MED4: variants seen among roughly 807,000 people sequenced by gnomAD.
The protein encoded by MED4 is mediator of RNA polymerase II transcription subunit 4.
In MED4, 21 loss-of-function variants were observed where a neutral mutation model predicts 35.0. That is an observed-to-expected ratio of 0.60 (90% confidence interval 0.43 to 0.86). The LOEUF (loss-of-function observed/expected upper bound fraction) is 0.86. Ranked by LOEUF, MED4 falls within the 40% of genes least tolerant of loss-of-function variation. The probability of loss-of-function intolerance (pLI) is 0.00; values close to 1 mark genes in which losing one functional copy is unlikely to be tolerated. For missense variants in MED4, 300 were observed against 319.4 expected (o/e 0.94, Z 0.46); for synonymous variants, 138 against 114.0 (o/e 1.21, Z -1.34).
chr13:48,081,515 A>G (rs1174763513), intron 5 of MED4, 130 bp downstream of exon 5: 2 of 529,568 alleles, frequency 3.8e-6, no homozygotes, highest in Non-Finnish European at 6.2e-6. Flanking sequence ...ATAAACCATT[A>G]AAGATGTGAA....
In MED4 at chr13:48,079,779, A is replaced by G; in HGVS notation, c.640+65T>C. ...TCTCAAACTTGCTTTACCGCCAGAT[A>G]TTCCAACCTTGTCATCTCTGGAAAA... On this transcript the variant is annotated intron_variant, in intron 6 of 6. Transcript: ENST00000258648. 4 of 1,559,460 alleles carry G rather than the reference A, an allele frequency of 2.6e-6. No homozygotes were observed. In the Admixed American group the frequency reaches 5.7e-5, roughly 22 times the overall value.
rs566931469 is a variant in MED4 at position 48,083,854 on chromosome 13, A to G, written c.364-426T>C. On this transcript the variant is annotated intron_variant, in intron 3 of 6. Transcript: ENST00000258648. The stretch of plus-strand genomic sequence containing the variant: ...TCTTATTCGTTTATATATCAGCTCA[A>G]TGTTTAATGACTTTATCACAAAAAC... 2.0e-5 allele frequency among the ~76,000 whole-genome samples: 3 copies of G among 152,304 alleles called. No homozygotes were observed. In the South Asian group the frequency reaches 6.2e-4, roughly 32 times the overall value.
At chr13:48,079,339 T>G (rs1950786891) in intron 6 of MED4, among the ~76,000 whole-genome samples, 1 of 152,208 alleles carries the variant, frequency 6.6e-6, no homozygotes. Context: ...AGGAAGACAG[T>G]GTAATATTTA....
Position 48,086,440 on chromosome 13 carries a change from A to G in MED4, c.205T>C (p.Leu69=). The change falls in exon 3 of 7, where the codon TTA becomes CTA. Residue 69 remains leucine, a synonymous_variant. Transcript: ENST00000258648. ...AGEENQVLEL[L]IHRDGEFQEL... ...TGAAATTCCCCATCTCGGTGAATTA[A>G]CAACTCCAGGACCTGTCAGATAACA... 6.2e-7 allele frequency: 1 copy of G among 1,613,580 alleles called. No homozygotes were observed. Among genetic ancestry groups the G allele is most frequent in the Non-Finnish European group, 8.5e-7 (1 of 1,179,870 alleles).
At chr13:48,083,087 C>T (rs1950822061) in intron 4 of MED4, among the ~76,000 whole-genome samples, 1 of 152,248 alleles carries the variant, frequency 6.6e-6, no homozygotes, top group African/African-American at 2.4e-5. Flanking sequence ...ACTTCTCTTT[C>T]CCTCTCCCAC....
intron 1 of MED4, among the ~76,000 whole-genome samples, chr13:48,094,550 T>C (rs1335228232): frequency 6.6e-6 from 1 of 152,076 alleles, no homozygotes; most frequent in Non-Finnish European, 1.5e-5. Context: ...CTAGTCCCTG[T>C]GCTCCAGTAC....
chr13:48,090,187 A>G (rs1005996478), intron 2 of MED4, among the ~76,000 whole-genome samples, 165 bp downstream of exon 2: 1 of 152,198 alleles, frequency 6.6e-6, no homozygotes, highest in African/African-American at 2.4e-5. Context: ...AGTAAATGAT[A>G]CAAAGAAAAT....
chr13:48,078,464 C>T (rs989546202), intron 6 of MED4, among the ~76,000 whole-genome samples: 3 of 152,144 alleles, frequency 2.0e-5, no homozygotes, highest in African/African-American at 7.2e-5. Flanking sequence ...GGTGGCGCCT[C>T]TAAAGGTGGT....
At chr13:48,078,796 G>A (rs1450543395) in intron 6 of MED4, among the ~76,000 whole-genome samples, 1 of 152,146 alleles carries the variant, frequency 6.6e-6, no homozygotes, top group African/African-American at 2.4e-5. Flanking sequence ...GGATATCACA[G>A]TTGAGTTCCC....
rs745657596 is a variant in MED4, at chr13:48,094,988, G to C, written c.91C>G (p.Leu31Val). Residue 31 changes from leucine to valine, a missense_variant, in exon 1 of 7, where the codon CTG becomes GTG. Coordinates refer to ENST00000258648, the MANE Select transcript of MED4 (RefSeq NM_014166.4). ...AGGNSTRERL[L>V]SALEDLEVLS... ...ACCTCCAAGTCCTCAAGCGCAGACA[G>C]CAGCCGCTCTCGTGTGCTGTTACCA... 41 of 1,603,952 alleles carry C rather than the reference G, an allele frequency of 2.6e-5. No individual in the cohort carries two copies. In the South Asian group the frequency reaches 4.4e-4, roughly 17 times the overall value.
At chr13:48,088,515 G>A (rs1050279497) in intron 2 of MED4, among the ~76,000 whole-genome samples, 13 of 152,196 alleles carry the variant, frequency 8.5e-5, no homozygotes, top group Non-Finnish European at 1.8e-4. Context: ...GTAGGAGAAA[G>A]CTAGGTTTCC....
chr13:48,089,864 C>T (rs768279777), intron 2 of MED4, among the ~76,000 whole-genome samples: 14 of 152,126 alleles, frequency 9.2e-5, no homozygotes, highest in South Asian at 2.1e-4. Flanking sequence ...TAGAAAGCAC[C>T]GAAAAGTGAG....
At position 48,077,071 on chromosome 13, in the gene MED4, T is replaced by G. The variant is rs1031728033; in HGVS notation, c.*68A>C. 2.0e-5 allele frequency: 27 copies of G among 1,374,608 alleles called. No homozygotes were observed. The African/African-American group carries it at 4.1e-4, about 21-fold the overall frequency. The allele number at this position is 1,374,608 out of a possible 1,614,324, so 85.2% of individuals were successfully genotyped here. The stretch of plus-strand genomic sequence containing the variant: ...ATTTTTTGTCACCTGTAGTTTACAT[T>G]TCCCTGCTACTGTTAAAGAAACAGA... On this transcript the variant is annotated 3_prime_UTR_variant, in exon 7 of 7. Transcript: ENST00000258648.
At chr13:48,092,300 T>TC (rs1217319720) in intron 1 of MED4, among the ~76,000 whole-genome samples, 1 of 151,608 alleles carries the variant, frequency 6.6e-6, no homozygotes, top group African/African-American at 2.4e-5. Context: ...TTAGTACAGA[T>TC]GGGGTTTCTC....
chr13:48,081,084 C>T (rs1269384620), intron 5 of MED4, among the ~76,000 whole-genome samples: 3 of 152,226 alleles, frequency 2.0e-5, no homozygotes, highest in Non-Finnish European at 4.4e-5. Flanking sequence ...GAGATAACTA[C>T]TAATATTTCC....
At position 48,081,721 on chromosome 13, in the gene MED4, G is replaced by A. The variant is rs773435155; in HGVS notation, c.432C>T (p.Ser144=). 8.7e-6 allele frequency: 14 copies of A among 1,608,096 alleles called. No individual in the cohort carries two copies. In the South Asian group the frequency reaches 1.4e-4, roughly 17 times the overall value. The stretch of plus-strand genomic sequence containing the variant: ...GTGCATACTTAATTATTTCTTCAGA[G>A]GAGATAGCACCTGAAAGAGTTTTAA... ...SIEKARKGAI[S]SEEIIKYAHR... is the part of the protein sequence containing the mutation. Residue 144 remains serine, a synonymous_variant, in exon 5 of 7, where the codon TCC becomes TCT. Coordinates refer to ENST00000258648, the MANE Select transcript of MED4 (RefSeq NM_014166.4).
chr13:48,094,865 C>G, intron 1 of MED4, 89 bp downstream of exon 1: 2 of 1,555,198 alleles, frequency 1.3e-6, no homozygotes, highest in South Asian at 1.1e-5. Context: ...CCGCCGAACC[C>G]CGAGAACGAG....
At chr13:48,083,837 G>A (rs947098855) in intron 3 of MED4, among the ~76,000 whole-genome samples, 1 of 151,944 alleles carries the variant, frequency 6.6e-6, no homozygotes, top group African/African-American at 2.4e-5. Context: ...ATTCTTATTC[G>A]TTTATATATC....
At chr13:48,087,947 G>GA (rs1950864790) in intron 2 of MED4, among the ~76,000 whole-genome samples, 1 of 152,108 alleles carries the variant, frequency 6.6e-6, no homozygotes, top group African/African-American at 2.4e-5. Context: ...ACATAAAATA[G>GA]AAAGTCTGGT....
Sources: gnomAD v4.1 joint callset for allele counts (sites outside exome capture counted in the v4.1 genomes callset) on GRCh38, gnomAD v4.1.1 for gene constraint, MANE v1.5 for transcripts, NCBI Gene and HGNC (gene_info 2026-07-23, HGNC 2026-07-21) for gene names.